Variants in JARID2 observed in about 807,000 individuals in gnomAD.
The protein encoded by JARID2 is jumonji and AT-rich interaction domain containing 2.
A neutral mutation model predicts 125.6 loss-of-function variants in JARID2; 21 were observed. The observed-to-expected ratio is 0.17, with a 90% CI of 0.12 to 0.24. The LOEUF is 0.24. JARID2 is among the 10% of genes least tolerant of loss of function. The probability of loss-of-function intolerance (pLI) is 1.00; values close to 1 mark genes in which losing one functional copy is unlikely to be tolerated. For missense variants in JARID2, 1,303 were observed against 1,639.6 expected (o/e 0.79, Z 3.55); for synonymous variants, 736 against 661.6 (o/e 1.11, Z -1.73).
At chr6:15,416,223 G>A (rs1281157515) in intron 3 of JARID2, among the ~76,000 whole-genome samples, 2 of 151,280 alleles carry the variant, frequency 1.3e-5, no homozygotes, top group East Asian at 2.0e-4. Context: ...CAGGCCGAGG[G>A]GCTCCTCATG....
intron 6 of JARID2, among the ~76,000 whole-genome samples, chr6:15,488,978 T>G (rs1770016097): frequency 6.6e-6 from 1 of 152,218 alleles, no homozygotes; most frequent in African/African-American, 2.4e-5. Flanking sequence ...GGCACCGAGC[T>G]TTGGTCCTGG....
intron 3 of JARID2, among the ~76,000 whole-genome samples, chr6:15,446,182 A>G (rs1290678328): frequency 6.6e-6 from 1 of 152,214 alleles, no homozygotes; most frequent in Non-Finnish European, 1.5e-5. Flanking sequence ...CTATAGCAGT[A>G]TAGTGTTCCT....
chr6:15,517,855 C>T (rs1007566194), intron 17 of JARID2, among the ~76,000 whole-genome samples: 32 of 152,242 alleles, frequency 2.1e-4, no homozygotes, highest in African/African-American at 6.3e-4. Context: ...GCCTTCCCCA[C>T]GTGTGCTTCC....
intron 2 of JARID2, among the ~76,000 whole-genome samples, chr6:15,386,584 C>T (rs1310408227): frequency 6.6e-6 from 1 of 152,206 alleles, no homozygotes. Context: ...GATCCCCCCT[C>T]CTACTGGCAT....
intron 4 of JARID2, among the ~76,000 whole-genome samples, chr6:15,464,029 T>G (rs1295400165): frequency 6.6e-6 from 1 of 152,200 alleles, no homozygotes; most frequent in Non-Finnish European, 1.5e-5. Flanking sequence ...TTAATTTTAG[T>G]TTCTTAGATG....
chr6:15,419,829 C>A (rs574085584), intron 3 of JARID2, among the ~76,000 whole-genome samples: 1 of 152,102 alleles, frequency 6.6e-6, no homozygotes, highest in Non-Finnish European at 1.5e-5. Flanking sequence ...CAATTTGATA[C>A]GATGTGCCTT....
At chr6:15,518,226 C>T (rs746498546) in intron 17 of JARID2, among the ~76,000 whole-genome samples, 14 of 152,156 alleles carry the variant, frequency 9.2e-5, no homozygotes, top group Admixed American at 2.0e-4. Flanking sequence ...GGGGTGCAGG[C>T]GGCGGCACGG....
chr6:15,343,961 C>T (rs911630188), intron 1 of JARID2, among the ~76,000 whole-genome samples: 8 of 152,244 alleles, frequency 5.3e-5, no homozygotes, highest in Non-Finnish European at 7.3e-5. Flanking sequence ...CTATTAAGCT[C>T]GGTGCTGCTG....
intron 1 of JARID2, among the ~76,000 whole-genome samples, chr6:15,338,418 A>G (rs923683072): frequency 6.6e-6 from 1 of 152,260 alleles, no homozygotes; most frequent in African/African-American, 2.4e-5. Flanking sequence ...TACGATTTAC[A>G]GAAAGGACTG....
At chr6:15,367,237 T>C (rs1244458947) in intron 1 of JARID2, among the ~76,000 whole-genome samples, 4 of 152,222 alleles carry the variant, frequency 2.6e-5, no homozygotes, top group Admixed American at 2.0e-4. Context: ...AAATTGATTT[T>C]TAATTGATCA....
intron 3 of JARID2, among the ~76,000 whole-genome samples, chr6:15,434,161 T>C (rs192791115): frequency 8.3e-4 from 127 of 152,258 alleles, no homozygotes; most frequent in African/African-American, 2.9e-3. Flanking sequence ...ATTTTTATTT[T>C]TTAAACGAAG....
rs562901536 is a variant in JARID2 at position 15,402,640 on chromosome 6, C to T, written c.182-7584C>T. Among the ~76,000 whole-genome samples the T allele has an allele frequency of 1.5e-4, 23 of 152,278 alleles. No homozygotes were observed. The South Asian group carries it at 3.3e-3, about 22-fold the overall frequency. ...CTCTGCAGTGATGCCATTGTTCTGC[C>T]GCTCATGGTTACACATCAGCCTAAG... On this transcript the variant is annotated intron_variant, in intron 2 of 17. Transcript: ENST00000341776.
At chr6:15,277,089 T>G (rs540917242) in intron 1 of JARID2, among the ~76,000 whole-genome samples, 3 of 152,322 alleles carry the variant, frequency 2.0e-5, no homozygotes, top group Non-Finnish European at 4.4e-5. Flanking sequence ...GTAACTACCA[T>G]GTTTTGAGTG....
At chr6:15,320,850 C>CTGTGTGTGTGTG (rs71535033) in intron 1 of JARID2, among the ~76,000 whole-genome samples, 17 of 135,130 alleles carry the variant, frequency 1.3e-4, no homozygotes, top group African/African-American at 2.5e-4. Flanking sequence ...CTCTCTCTCT[C>CTGTGTGTGTGTG]TCTGTGTGTG....
At chr6:15,299,366 A>G (rs1300734406) in intron 1 of JARID2, among the ~76,000 whole-genome samples, 1 of 152,188 alleles carries the variant, frequency 6.6e-6, no homozygotes, top group East Asian at 1.9e-4. Context: ...TGGTAGAGGA[A>G]GGGATGACTG....
intron 1 of JARID2, among the ~76,000 whole-genome samples, chr6:15,255,651 G>A (rs1319912283): frequency 3.3e-5 from 5 of 152,106 alleles, no homozygotes; most frequent in East Asian, 1.9e-4. Flanking sequence ...GTTCTCTCTC[G>A]GTTTCAGCCA....
intron 3 of JARID2, among the ~76,000 whole-genome samples, chr6:15,430,261 A>G (rs1367734392): frequency 1.3e-5 from 2 of 152,220 alleles, no homozygotes; most frequent in African/African-American, 4.8e-5. Flanking sequence ...CCTGGAGTTT[A>G]GTTATCAAGA....
rs531396054 is a variant in JARID2, at chr6:15,411,874, C to T, written c.323+1509C>T. Among the ~76,000 whole-genome samples, 594 of 152,224 alleles carry T rather than the reference C, an allele frequency of 3.9e-3. 4 individuals carry two copies. The highest frequency in any genetic ancestry group is 0.024 in the Middle Eastern group (7 of 294). ...CTGAGAGCTGGTCAGCATCCGGGTG[C>T]AGTGATGTGTGTTGTAGGCTTCATT... On this transcript the variant is annotated intron_variant, in intron 3 of 17. Transcript: ENST00000341776.
intron 2 of JARID2, among the ~76,000 whole-genome samples, chr6:15,399,222 A>G (rs546169022): frequency 5.9e-5 from 9 of 152,132 alleles, no homozygotes; most frequent in South Asian, 2.1e-4. Context: ...CCAGCCTTCT[A>G]TGTTCTGTAG....
Sources: allele counts gnomAD v4.1 joint callset (sites outside exome capture counted in the v4.1 genomes callset), GRCh38; gene constraint gnomAD v4.1.1; transcripts MANE v1.5; gene names NCBI Gene and HGNC (gene_info 2026-07-23, HGNC 2026-07-21).